Variants in TBXA2R observed in about 807,000 individuals in gnomAD.
TBXA2R encodes thromboxane A2 receptor.
Under a neutral mutation model 15.6 loss-of-function variants are expected in TBXA2R, and 15 were observed. The ratio of observed to expected loss-of-function variants is 0.96; its 90% confidence interval spans 0.64 to 1.48. The LOEUF is 1.48. TBXA2R is among the 40% of genes most tolerant of loss of function. TBXA2R has a pLI of 0.00. For synonymous variants in TBXA2R, 280 were observed against 241.2 expected, an observed-to-expected ratio of 1.16 and a Z score of -1.49; for missense variants, 506 against 491.4, an observed-to-expected ratio of 1.03 and a Z score of -0.28.
chr19:3,598,471 C>T (rs1320246217), intron 2 of TBXA2R, among the ~76,000 whole-genome samples: 1 of 150,218 alleles, frequency 6.7e-6, no homozygotes, highest in Non-Finnish European at 1.5e-5. Flanking sequence ...ATGCCTCAGC[C>T]TCCTGAGTAG....
chr19:3,599,194 A>G (rs2032661533), intron 2 of TBXA2R, among the ~76,000 whole-genome samples: 1 of 151,880 alleles, frequency 6.6e-6, no homozygotes, highest in Non-Finnish European at 1.5e-5. Flanking sequence ...TCACTCTGTC[A>G]CCTAGGCTGG....
At chr19:3,601,188 G>C (rs2032732779) in intron 1 of TBXA2R, among the ~76,000 whole-genome samples, 1 of 152,070 alleles carries the variant, frequency 6.6e-6, no homozygotes. Flanking sequence ...AGCAGGCGGG[G>C]ACCTGTTACT....
chr19:3,600,158 G>A lies in TBXA2R; in HGVS notation c.477C>T (p.Ala159=), dbSNP rs541642445. 6.9e-6 allele frequency: 11 copies of A among 1,602,610 alleles called. No homozygotes were observed. The highest frequency in any genetic ancestry group is 3.3e-5 in the South Asian group (3 of 90,232). Residue 159 remains alanine (A), a synonymous_variant, in exon 2 of 3, where the codon GCC becomes GCT. Transcript: ENST00000375190. ...AWATVGLVWA[A]ALALGLLPLL... is the part of the protein sequence containing the mutation. ...GGGGCAGCAGGCCCAGCGCCAGCGC[G>A]GCCGCCCACACCAGCCCCACGGTGG...
chr19:3,599,136 C>T (rs1480594442), intron 2 of TBXA2R, among the ~76,000 whole-genome samples: 3 of 152,138 alleles, frequency 2.0e-5, no homozygotes, highest in East Asian at 1.9e-4. Flanking sequence ...GTGTTTTCTA[C>T]GGCTGCTTTC....
In TBXA2R at chr19:3,599,835, G is replaced by C; in HGVS notation, c.786+14C>G. Reference sequence around the variant, plus strand: ...GTCAGGAGGGTAGCAGGACCCCGCAGAGCCCCTACTCACCAGAAGGGGCAG... The same window carrying C: ...GTCAGGAGGGTAGCAGGACCCCGCACAGCCCCTACTCACCAGAAGGGGCAG... On this transcript the variant is annotated intron_variant, in intron 2 of 2. Coordinates refer to ENST00000375190, the MANE Select transcript of TBXA2R (RefSeq NM_001060.6). The C allele has an allele frequency of 6.5e-7, 1 of 1,548,872 alleles. No homozygotes were observed. The highest frequency in any genetic ancestry group is 8.7e-7 in the Non-Finnish European group (1 of 1,146,916).
At chr19:3,603,477 A>C (rs2032776161) in intron 1 of TBXA2R, among the ~76,000 whole-genome samples, 2 of 152,172 alleles carry the variant, frequency 1.3e-5, no homozygotes, top group South Asian at 4.1e-4. Context: ...GGATTCCTGC[A>C]CTGGGATTTC....
In TBXA2R at chr19:3,600,473, C is replaced by A; in HGVS notation, c.162G>T (p.Gln54His). 1 of 1,612,716 alleles carries A rather than the reference C, an allele frequency of 6.2e-7. No homozygotes were observed. The highest frequency in any genetic ancestry group is 8.5e-7 in the Non-Finnish European group (1 of 1,179,630). The change falls in exon 2 of 3, where the codon CAG (glutamine) becomes CAT (histidine). Residue 54 changes from glutamine (Q) to histidine (H), a missense_variant. Gln to His is a conservative substitution (Grantham distance 24, BLOSUM62 0). Transcript: ENST00000375190. ...LALSVLAGAR[Q>H]GGSHTRSSFL... ...AGGAGGAGCGCGTGTGCGAACCCCC[C>A]TGCCGCGCGCCCGCCAGCACGCTCA...
At position 3,601,001 on chromosome 19, in the gene TBXA2R, G is replaced by A. The variant is rs34589177; in HGVS notation, c.-83-284C>T. On this transcript the variant is annotated intron_variant, in intron 1 of 2. Transcript: ENST00000375190. ...ATACCCTGTAGTAAGTAGTCCTCCCGCCTCGGCCTCCCAAAGTGCTGGGAT... is the reference window on the plus strand; with the variant it reads ...ATACCCTGTAGTAAGTAGTCCTCCCACCTCGGCCTCCCAAAGTGCTGGGAT... 4.9e-3 allele frequency among the ~76,000 whole-genome samples: 738 copies of A among 151,620 alleles called. 7 individuals carry two copies. The highest frequency in any genetic ancestry group is 0.017 in the African/African-American group (690 of 41,374).
In TBXA2R at chr19:3,595,434, G is replaced by T. The variant is rs1054800005; in HGVS notation, c.*254C>A. Reference sequence around the variant, plus strand: ...CCAATGTCTGCATGCCCTTCCTGGGGTTGGGAGGGACGCAGAGAAGGGGTG... The same window carrying T: ...CCAATGTCTGCATGCCCTTCCTGGGTTTGGGAGGGACGCAGAGAAGGGGTG... On this transcript the variant is annotated 3_prime_UTR_variant, in exon 3 of 3. Transcript: ENST00000375190. 3 of 1,412,070 alleles carry T rather than the reference G, an allele frequency of 2.1e-6. No individual in the cohort carries two copies. In the African/African-American group the frequency reaches 4.3e-5, roughly 20 times the overall value. The allele number at this position is 1,412,070 out of a possible 1,614,324, so 87.5% of individuals were successfully genotyped here.
chr19:3,601,298 G>A (rs1442239759), intron 1 of TBXA2R, among the ~76,000 whole-genome samples: 1 of 151,682 alleles, frequency 6.6e-6, no homozygotes, highest in South Asian at 2.1e-4. Flanking sequence ...GGAGGCCAAA[G>A]TGGGCGGATC....
chr19:3,596,836 C>A (rs1420523105), intron 2 of TBXA2R, among the ~76,000 whole-genome samples: 2 of 151,722 alleles, frequency 1.3e-5, no homozygotes, highest in Non-Finnish European at 2.9e-5. Context: ...CCTCCTCGGC[C>A]TCCCAAAGTG....
Position 3,600,070 on chromosome 19 carries a change from C to T in TBXA2R, c.565G>A (p.Ala189Thr). The change falls in exon 2 of 3, where the codon GCC becomes ACC. Residue 189 changes from alanine to threonine, a missense_variant. Physicochemically the swap from Ala to Thr is moderately conservative, Grantham distance 58 (BLOSUM62 0). Coordinates refer to ENST00000375190, the MANE Select transcript of TBXA2R (RefSeq NM_001060.6). ...PGSWCFLTLG[A>T]ESGDVAFGLL... is the part of the protein sequence containing the mutation. ...CCGAAGGCCACGTCCCCGGACTCGG[C>T]GCCCAGCGTCAGGAAGCACCAGGAC... The T allele has an allele frequency of 1.2e-6, 2 of 1,612,506 alleles. No homozygotes were observed. Among genetic ancestry groups the T allele is most frequent in the East Asian group, 2.2e-5 (1 of 44,872 alleles).
chr19:3,602,017 CGAG>C (rs1214735453), intron 1 of TBXA2R, among the ~76,000 whole-genome samples: 11 of 151,224 alleles, frequency 7.3e-5, no homozygotes, highest in African/African-American at 1.9e-4. Context: ...GTCAGGAGAT[CGAG>C]ACCATCCTGG....
intron 1 of TBXA2R, among the ~76,000 whole-genome samples, chr19:3,604,462 T>C (rs2032793588): frequency 1.3e-5 from 2 of 152,202 alleles, no homozygotes; most frequent in South Asian, 2.1e-4. Flanking sequence ...CTCCGCCCCA[T>C]GTTCCATCCT....
chr19:3,606,189 C>T (rs1193293577), intron 1 of TBXA2R, among the ~76,000 whole-genome samples: 1 of 152,248 alleles, frequency 6.6e-6, no homozygotes, highest in Non-Finnish European at 1.5e-5. Context: ...CACAACCACA[C>T]TCGATCCCTG....
chr19:3,595,796 A>G lies in TBXA2R; in HGVS notation c.924T>C (p.Tyr308=), dbSNP rs4523. ...GGAGCACGGCGCGGCGGAACAGGATATACACCCAGGGGTCCAGGATCTGGT... is the reference window on the plus strand; with the variant it reads ...GGAGCACGGCGCGGCGGAACAGGATGTACACCCAGGGGTCCAGGATCTGGT... ...TWNQILDPWV[Y]ILFRRAVLRR... Residue 308 remains tyrosine (Y), a synonymous_variant, in exon 3 of 3, where the codon TAT becomes TAC. Coordinates refer to ENST00000375190, the MANE Select transcript of TBXA2R (RefSeq NM_001060.6). 1,007,265 of 1,610,200 alleles carry G rather than the reference A, an allele frequency of 0.63. 324,213 individuals carry two copies. Among genetic ancestry groups the G allele is most frequent in the African/African-American group, 0.78 (58,687 of 74,952 alleles).
Position 3,600,690 on chromosome 19 carries a change from G to C in TBXA2R, c.-56C>G. 2 of 1,587,488 alleles carry C rather than the reference G, an allele frequency of 1.3e-6. No individual in the cohort carries two copies. The highest frequency in any genetic ancestry group is 1.1e-5 in the South Asian group (1 of 88,424). The stretch of plus-strand genomic sequence containing the variant: ...CCCCATCAGGCCGATGCTGCAGACA[G>C]GGCAGGCTGGCACTGGTTCAGGCAC... On this transcript the variant is annotated 5_prime_UTR_variant, in exon 2 of 3. Coordinates refer to ENST00000375190, the MANE Select transcript of TBXA2R (RefSeq NM_001060.6).
At chr19:3,596,942 T>A (rs184990895) in intron 2 of TBXA2R, among the ~76,000 whole-genome samples, 6 of 138,354 alleles carry the variant, frequency 4.3e-5, no homozygotes, top group South Asian at 2.4e-4. Flanking sequence ...TGATGGGAAA[T>A]TTTTTTTTTT....
intron 2 of TBXA2R, among the ~76,000 whole-genome samples, chr19:3,596,429 C>T (rs2032606203): frequency 6.6e-6 from 1 of 152,116 alleles, no homozygotes; most frequent in East Asian, 1.9e-4. Context: ...CACTCTTAGC[C>T]AGGCAGTGGC....
Sources: allele counts gnomAD v4.1 joint callset (sites outside exome capture counted in the v4.1 genomes callset), GRCh38; gene constraint gnomAD v4.1.1; transcripts MANE v1.5; gene names NCBI Gene and HGNC (gene_info 2026-07-23, HGNC 2026-07-21).